TMEM128: variants seen among roughly 807,000 people sequenced by gnomAD.
TMEM128 encodes the protein transmembrane protein 128.
In TMEM128, 16 loss-of-function variants were observed where a neutral mutation model predicts 19.7. The observed-to-expected ratio is 0.81, with a 90% CI of 0.55 to 1.23. The LOEUF (loss-of-function observed/expected upper bound fraction) is 1.23, where lower values mean the gene tolerates loss of function less well. Among genes scored for constraint, TMEM128 ranks in the 50% most tolerant of loss-of-function variants. TMEM128 has a pLI of 0.00. For synonymous variants in TMEM128, 98 were observed against 75.8 expected (o/e 1.29, Z -1.52); for missense variants, 237 against 200.8 (o/e 1.18, Z -1.09).
intron 4 of TMEM128, among the ~76,000 whole-genome samples, chr4:4,236,729 C>G (rs1421853139): frequency 6.6e-6 from 1 of 152,220 alleles, no homozygotes; most frequent in Non-Finnish European, 1.5e-5. Context: ...GAGAGTATGT[C>G]CATTTCTTCT....
rs142311419 is a variant in TMEM128 at position 4,244,203 on chromosome 4, C to T, written c.239+1999G>A. Among the ~76,000 whole-genome samples the T allele has an allele frequency of 2.8e-3, 430 of 152,288 alleles. 5 individuals are homozygous for T. Among genetic ancestry groups the T allele is most frequent in the African/African-American group, 9.3e-3 (388 of 41,564 alleles). The stretch of plus-strand genomic sequence containing the variant: ...AGTACCCATCCCCTCCAGCCAGGTG[C>T]AGTGGCTCACACCTGTAATCGCAGT... On this transcript the variant is annotated intron_variant, in intron 2 of 4. Coordinates refer to ENST00000382753, the MANE Select transcript of TMEM128 (RefSeq NM_001297551.2).
At chr4:4,243,910 C>T (rs1019592134) in intron 2 of TMEM128, among the ~76,000 whole-genome samples, 26 of 152,188 alleles carry the variant, frequency 1.7e-4, no homozygotes, top group Non-Finnish European at 3.2e-4. Context: ...TACAGAAGTT[C>T]TCTCACATCT....
At chr4:4,241,712 G>A (rs1167970222) in intron 2 of TMEM128, among the ~76,000 whole-genome samples, 1 of 152,112 alleles carries the variant, frequency 6.6e-6, no homozygotes, top group African/African-American at 2.4e-5. Context: ...TGTCTGTATG[G>A]GTTTGAATCT....
intron 4 of TMEM128, chr4:4,237,081 T>C (rs963660320): frequency 1.5e-5 from 7 of 455,554 alleles, no homozygotes; most frequent in African/African-American, 1.0e-4. Flanking sequence ...GGGTGATCTG[T>C]AGGGAGGCAG....
In TMEM128 at chr4:4,248,149, C is replaced by G; in HGVS notation, c.54G>C (p.Pro18=). Residue 18 remains proline, a synonymous_variant, in exon 1 of 5, where the codon CCG becomes CCC. Transcript: ENST00000382753. ...CGCGGTCCAGCTGGGCCTCGGCGTC[C>G]GGCAGGAGGAGGAATCGCCGCCGGA... The part of the protein sequence containing the change: ...QQLRRRFLLL[P]DAEAQLDREG... 1 of 1,534,112 alleles carries G rather than the reference C, an allele frequency of 6.5e-7. No individual in the cohort carries two copies. The highest frequency in any genetic ancestry group is 8.8e-7 in the Non-Finnish European group (1 of 1,142,046).
Position 4,240,350 on chromosome 4 carries a change from G to T in TMEM128, c.369C>A (p.Thr123=), listed in dbSNP as rs769683962. ...TTCCTGCTGCAATAAAGGAGGCAGT[G>T]GTAATGGGTATCAAGGCTGGATACT... ...DVKYPALIPI[T]TASFIAAGIC... The change falls in exon 3 of 5, where the codon ACC becomes ACA. Residue 123 remains threonine, a synonymous_variant. Transcript: ENST00000382753. 6.2e-7 allele frequency: 1 copy of T among 1,613,990 alleles called. No individual in the cohort carries two copies. Among genetic ancestry groups the T allele is most frequent in the East Asian group, 2.2e-5 (1 of 44,870 alleles).
intron 1 of TMEM128, chr4:4,247,458 T>C (rs1718230160): frequency 2.7e-6 from 3 of 1,121,168 alleles, no homozygotes; most frequent in East Asian, 5.1e-5. Flanking sequence ...TTAAAACATA[T>C]GAGATAAAAA....
At chr4:4,239,037 CAAAAA>C in intron 3 of TMEM128, among the ~76,000 whole-genome samples, 1 of 150,868 alleles carries the variant, frequency 6.6e-6, no homozygotes, top group African/African-American at 2.4e-5. Flanking sequence ...ACCCTATCTC[CAAAAA>C]GAAAAAAAAA....
intron 1 of TMEM128, chr4:4,247,522 G>A: frequency 6.2e-7 from 1 of 1,605,918 alleles, no homozygotes; most frequent in Non-Finnish European, 8.5e-7. Context: ...CTAATCCCCA[G>A]AAGCAACCAC....
rs1337990855 is a variant in TMEM128, at chr4:4,240,333, G to A, written c.386C>T (p.Ala129Val). 1 of 1,612,930 alleles carries A rather than the reference G, an allele frequency of 6.2e-7. No individual in the cohort carries two copies. The highest frequency in any genetic ancestry group is 2.2e-5 in the East Asian group (1 of 44,858). The part of the protein sequence containing the change: ...LIPITTASFI[A>V]AGICFNIALW... Reference sequence around the variant, plus strand: ...AAAGTTAACTTACCAAATTCCTGCTGCAATAAAGGAGGCAGTGGTAATGGG... The same window carrying A: ...AAAGTTAACTTACCAAATTCCTGCTACAATAAAGGAGGCAGTGGTAATGGG... Residue 129 changes from alanine (A) to valine (V), a missense_variant, in exon 3 of 5, where the codon GCA (alanine) becomes GTA (valine). By Grantham distance (64) the Ala-to-Val change is moderately conservative. Transcript: ENST00000382753.
intron 3 of TMEM128, among the ~76,000 whole-genome samples, chr4:4,238,250 C>T (rs1207415351): frequency 6.6e-6 from 1 of 152,196 alleles, no homozygotes; most frequent in Non-Finnish European, 1.5e-5. Flanking sequence ...TAAATGGCTA[C>T]AGCCCATTTT....
At chr4:4,240,852 T>A (rs1717928910) in intron 2 of TMEM128, among the ~76,000 whole-genome samples, 1 of 152,212 alleles carries the variant, frequency 6.6e-6, no homozygotes, top group African/African-American at 2.4e-5. Flanking sequence ...CCGAGGCAGG[T>A]GGATCACCTG....
chr4:4,243,180 C>T (rs557122495), intron 2 of TMEM128, among the ~76,000 whole-genome samples: 4 of 152,206 alleles, frequency 2.6e-5, no homozygotes, highest in African/African-American at 7.2e-5. Flanking sequence ...GCTGGGTTCA[C>T]GCCATTCTTC....
In TMEM128 at chr4:4,237,853, T is replaced by C; in HGVS notation, c.481A>G (p.Ile161Val). Residue 161 changes from isoleucine to valine, a missense_variant, in exon 4 of 5, where the codon ATC becomes GTC. Transcript: ENST00000382753. ...FTQFMGVVMF[I>V]TLLG ...TTCGGAAATCATCCAAGGAGTGTGA[T>C]AAACATGACAACCCCCATAAACTGG... The C allele has an allele frequency of 1.2e-6, 2 of 1,611,784 alleles. No homozygotes were observed. The highest frequency in any genetic ancestry group is 1.3e-5 in the African/African-American group (1 of 74,958).
intron 1 of TMEM128, 133 bp downstream of exon 1, chr4:4,247,970 ATCT>A: frequency 2.8e-6 from 4 of 1,443,482 alleles, no homozygotes; most frequent in Non-Finnish European, 3.6e-6. Context: ...GATTCTAAGG[ATCT>A]TCCCTGACAT....
chr4:4,238,283 T>C (rs1717806112), intron 3 of TMEM128, among the ~76,000 whole-genome samples: 1 of 152,140 alleles, frequency 6.6e-6, no homozygotes, highest in Non-Finnish European at 1.5e-5. Context: ...CACTAAACTA[T>C]CATGGTAAAA....
At chr4:4,240,880 C>G (rs910131944) in intron 2 of TMEM128, among the ~76,000 whole-genome samples, 6 of 152,174 alleles carry the variant, frequency 3.9e-5, no homozygotes, top group African/African-American at 1.4e-4. Context: ...GAGTTCGAGA[C>G]CAGCCTGACC....
chr4:4,248,082 G>A lies in TMEM128; in HGVS notation c.97+24C>T, dbSNP rs903083575. 5 of 1,534,896 alleles carry A rather than the reference G, an allele frequency of 3.3e-6. No homozygotes were observed. In the African/African-American group the frequency reaches 6.9e-5, roughly 21 times the overall value. On this transcript the variant is annotated intron_variant, in intron 1 of 4. Coordinates refer to ENST00000382753, the MANE Select transcript of TMEM128 (RefSeq NM_001297551.2). ...CCGACGCCTCGCCTCTGAGAACCTCGGGGCGGCTTGGTGCGCGCCTCACCC... is the reference window on the plus strand; with the variant it reads ...CCGACGCCTCGCCTCTGAGAACCTCAGGGCGGCTTGGTGCGCGCCTCACCC...
intron 1 of TMEM128, chr4:4,247,602 T>C (rs377485838): frequency 1.2e-6 from 2 of 1,614,124 alleles, no homozygotes; most frequent in African/African-American, 2.7e-5. Context: ...ACAAGTTACC[T>C]GTTTTGTACC....
Sources: gnomAD v4.1 joint callset for allele counts (sites outside exome capture counted in the v4.1 genomes callset) on GRCh38, gnomAD v4.1.1 for gene constraint, MANE v1.5 for transcripts, NCBI Gene and HGNC (gene_info 2026-07-23, HGNC 2026-07-21) for gene names.